KCNB2: variants seen among roughly 807,000 people sequenced by gnomAD.
KCNB2 encodes delayed rectifier potassium channel protein.
In KCNB2, 15 loss-of-function variants were observed where a neutral mutation model predicts 61.5. The ratio of observed to expected loss-of-function variants is 0.24; its 90% CI spans 0.16 to 0.38. The LOEUF (loss-of-function observed/expected upper bound fraction) is 0.38, where lower values mean the gene tolerates loss of function less well. Ranked by LOEUF, KCNB2 falls within the 10% of genes least tolerant of loss-of-function variation. The probability of loss-of-function intolerance (pLI) is 1.00; values close to 1 mark genes in which losing one functional copy is unlikely to be tolerated. For missense variants in KCNB2, 828 were observed against 1,125.2 expected (o/e 0.74, Z 3.78); for synonymous variants, 457 against 446.0 (o/e 1.02, Z -0.31).
chr8:72,856,938 G>A (rs56352849), intron 2 of KCNB2, among the ~76,000 whole-genome samples: 33,400 of 151,966 alleles, frequency 0.22, 4,055 homozygotes, highest in Non-Finnish European at 0.28. Context: ...CCCCACCACA[G>A]AAACATATGG....
intron 2 of KCNB2, among the ~76,000 whole-genome samples, chr8:72,783,779 A>G (rs149009385): frequency 8.0e-4 from 122 of 152,290 alleles, no homozygotes; most frequent in African/African-American, 2.9e-3. Context: ...ATGAGAAATT[A>G]TGATCCAAGT....
At chr8:72,699,305 A>T (rs1273046564) in intron 2 of KCNB2, among the ~76,000 whole-genome samples, 2 of 151,672 alleles carry the variant, frequency 1.3e-5, no homozygotes, top group African/African-American at 4.9e-5. Context: ...ATGAGATGTT[A>T]TCTCGTTGTG....
intron 2 of KCNB2, among the ~76,000 whole-genome samples, chr8:72,752,636 G>A (rs993545132): frequency 6.6e-6 from 1 of 152,190 alleles, no homozygotes; most frequent in African/African-American, 2.4e-5. Flanking sequence ...GGAGCTTAGA[G>A]TCTAGTCCAA....
intron 2 of KCNB2, among the ~76,000 whole-genome samples, chr8:72,799,428 C>T (rs771961197): frequency 1.7e-5 from 2 of 120,192 alleles, no homozygotes; most frequent in Non-Finnish European, 3.8e-5. Context: ...TATTATTATT[C>T]TCCAATACAG....
At chr8:72,558,521 A>G (rs1014184504) in intron 1 of KCNB2, among the ~76,000 whole-genome samples, 1 of 152,238 alleles carries the variant, frequency 6.6e-6, no homozygotes, top group Non-Finnish European at 1.5e-5. Flanking sequence ...AGAATATTTC[A>G]TACGTGGAAG....
At chr8:72,598,351 A>G (rs1265487677) in intron 2 of KCNB2, among the ~76,000 whole-genome samples, 1 of 152,240 alleles carries the variant, frequency 6.6e-6, no homozygotes, top group African/African-American at 2.4e-5. Context: ...GACAAAAACC[A>G]CATGATTATC....
At position 72,806,475 on chromosome 8, in the gene KCNB2, G is replaced by A. The variant is rs185589523; in HGVS notation, c.580-129460G>A. Among the ~76,000 whole-genome samples, 25 of 151,872 alleles carry A rather than the reference G, an allele frequency of 1.6e-4. No individual in the cohort carries two copies. The East Asian group carries it at 4.8e-3, about 29-fold the overall frequency. On this transcript the variant is annotated intron_variant, in intron 2 of 2. Coordinates refer to ENST00000523207, the MANE Select transcript of KCNB2 (RefSeq NM_004770.3). ...TACAAAAAATTAGCCAGGCATGGTG[G>A]CACATGCCTATAGTCCCAGGTACCA... is the stretch of plus-strand genomic sequence containing the variant.
intron 2 of KCNB2, among the ~76,000 whole-genome samples, chr8:72,627,434 T>G (rs1805807628): frequency 6.6e-6 from 1 of 152,248 alleles, no homozygotes; most frequent in Non-Finnish European, 1.5e-5. Flanking sequence ...ATAGAAAGTA[T>G]ATGATCCAAA....
At chr8:72,928,164 A>T (rs1163754344) in intron 2 of KCNB2, among the ~76,000 whole-genome samples, 2 of 151,852 alleles carry the variant, frequency 1.3e-5, no homozygotes, top group Non-Finnish European at 2.9e-5. Context: ...ATAAGGAGAA[A>T]AGTGAGGACT....
intron 1 of KCNB2, among the ~76,000 whole-genome samples, chr8:72,561,747 GTATATATATA>G (rs1320328900): frequency 2.5e-4 from 4 of 16,054 alleles, no homozygotes; most frequent in African/African-American, 1.4e-3. Flanking sequence ...ATATATATAT[GTATATATATA>G]TATGGATATA....
chr8:72,706,936 T>C (rs963359277), intron 2 of KCNB2, among the ~76,000 whole-genome samples: 1 of 152,232 alleles, frequency 6.6e-6, no homozygotes, highest in African/African-American at 2.4e-5. Context: ...CTCTGCTGAA[T>C]TGCTCTTCTG....
chr8:72,760,433 T>C (rs949878158), intron 2 of KCNB2, among the ~76,000 whole-genome samples: 1 of 152,110 alleles, frequency 6.6e-6, no homozygotes, highest in Non-Finnish European at 1.5e-5. Context: ...CCCCCATTTT[T>C]CAAATGGGGC....
chr8:72,912,943 T>C (rs1172733517), intron 2 of KCNB2, among the ~76,000 whole-genome samples: 3 of 152,126 alleles, frequency 2.0e-5, no homozygotes, highest in African/African-American at 7.2e-5. Flanking sequence ...AGCTTAGTTG[T>C]TGCTGTTTTG....
chr8:72,841,361 C>CTT (rs796222096), intron 2 of KCNB2, among the ~76,000 whole-genome samples: 16 of 66,188 alleles, frequency 2.4e-4, no homozygotes, highest in African/African-American at 5.4e-4. Context: ...GTTTTCTTTT[C>CTT]TTTTTTTTTT....
intron 2 of KCNB2, among the ~76,000 whole-genome samples, chr8:72,579,464 G>C (rs899130831): frequency 5.9e-5 from 9 of 152,098 alleles, no homozygotes; most frequent in Admixed American, 5.2e-4. Flanking sequence ...AGCATCGGAG[G>C]CTAAGACAAG....
chr8:72,698,562 C>T (rs1807058079), intron 2 of KCNB2, among the ~76,000 whole-genome samples: 1 of 152,124 alleles, frequency 6.6e-6, no homozygotes, highest in Admixed American at 6.6e-5. Context: ...CCAAAGCAAT[C>T]TTAAGCAAAA....
intron 2 of KCNB2, among the ~76,000 whole-genome samples, chr8:72,611,705 T>G (rs1487711911): frequency 6.6e-6 from 1 of 152,198 alleles, no homozygotes; most frequent in Non-Finnish European, 1.5e-5. Flanking sequence ...ATAGCACCTT[T>G]TAAGTGTATT....
At chr8:72,806,229 G>A (rs577569082) in intron 2 of KCNB2, among the ~76,000 whole-genome samples, 13 of 151,668 alleles carry the variant, frequency 8.6e-5, no homozygotes, top group East Asian at 5.8e-4. Flanking sequence ...ATGGTGGTGC[G>A]TGCCTGTAAT....
Position 72,567,687 on chromosome 8 carries a change from G to T in KCNB2, c.-48G>T. 1.5e-6 allele frequency: 2 copies of T among 1,318,616 alleles called. No individual in the cohort carries two copies. The highest frequency in any genetic ancestry group is 3.1e-5 in the South Asian group (2 of 65,170). The allele number at this position is 1,318,616 out of a possible 1,614,324, so 81.7% of individuals were successfully genotyped here. The stretch of plus-strand genomic sequence containing the variant: ...GCCCCAGAGGGATATTGCTTCAGTT[G>T]ACCTCATTTTTTAAGGACCCTGGCT... On this transcript the variant is annotated 5_prime_UTR_variant, in exon 2 of 3. It removes the in-frame stop codon of an upstream open reading frame in the 5' UTR. Coordinates refer to ENST00000523207, the MANE Select transcript of KCNB2 (RefSeq NM_004770.3).
Sources: allele counts gnomAD v4.1 joint callset (sites outside exome capture counted in the v4.1 genomes callset), GRCh38; gene constraint gnomAD v4.1.1; transcripts MANE v1.5; gene names NCBI Gene and HGNC (gene_info 2026-07-23, HGNC 2026-07-21).